OPCML: variants seen among roughly 807,000 people sequenced by gnomAD.
OPCML encodes the protein opioid-binding protein/cell adhesion molecule.
Under a neutral mutation model 37.8 loss-of-function variants are expected in OPCML, and 13 were observed. The ratio of observed to expected loss-of-function variants is 0.34; its 90% CI spans 0.22 to 0.55. OPCML has a LOEUF of 0.55. Among genes scored for constraint, OPCML ranks in the 20% least tolerant of loss-of-function variants. The pLI is 0.91. For missense variants in OPCML, 341 were observed against 435.6 expected (o/e 0.78, Z 1.93); for synonymous variants, 176 against 168.8 (o/e 1.04, Z -0.33).
intron 1 of OPCML, among the ~76,000 whole-genome samples, chr11:133,033,760 T>C (rs927064127): frequency 2.0e-5 from 3 of 152,206 alleles, no homozygotes; most frequent in Non-Finnish European, 4.4e-5. Flanking sequence ...ATGCAGCTAG[T>C]GGTTATAGAT....
intron 1 of OPCML, among the ~76,000 whole-genome samples, chr11:133,483,238 A>C: frequency 6.6e-6 from 1 of 152,112 alleles, no homozygotes; most frequent in South Asian, 2.1e-4. Context: ...AATTTAGGAA[A>C]TACTGAAGAA....
chr11:132,590,764 C>T (rs957051404), intron 3 of OPCML, among the ~76,000 whole-genome samples: 2 of 152,114 alleles, frequency 1.3e-5, no homozygotes, highest in Admixed American at 6.5e-5. Context: ...TGACCAGGGT[C>T]CCATTGTGGG....
At chr11:132,556,627 C>T (rs941238990) in intron 3 of OPCML, among the ~76,000 whole-genome samples, 14 of 152,190 alleles carry the variant, frequency 9.2e-5, no homozygotes, top group African/African-American at 3.4e-4. Flanking sequence ...CCAATTCATG[C>T]AAACAGACTT....
chr11:133,073,806 G>A (rs1254901215), intron 1 of OPCML, among the ~76,000 whole-genome samples: 3 of 152,112 alleles, frequency 2.0e-5, no homozygotes, highest in African/African-American at 2.4e-5. Flanking sequence ...CCAGATACAC[G>A]GCTATGTACT....
At chr11:132,779,375 GT>G (rs1430633705) in intron 2 of OPCML, among the ~76,000 whole-genome samples, 1 of 152,098 alleles carries the variant, frequency 6.6e-6, no homozygotes, top group Admixed American at 6.5e-5. Flanking sequence ...AATGGCATTG[GT>G]TTTTCCCTTA....
At chr11:132,934,474 T>C (rs1183940543) in intron 2 of OPCML, among the ~76,000 whole-genome samples, 1 of 152,146 alleles carries the variant, frequency 6.6e-6, no homozygotes, top group Non-Finnish European at 1.5e-5. Flanking sequence ...GGACATCAGG[T>C]TATGTGTGGT....
intron 2 of OPCML, among the ~76,000 whole-genome samples, chr11:132,680,287 C>T (rs1942883823): frequency 6.6e-6 from 1 of 152,194 alleles, no homozygotes; most frequent in Non-Finnish European, 1.5e-5. Flanking sequence ...AACTCACATC[C>T]CCTCAGGTAA....
intron 1 of OPCML, among the ~76,000 whole-genome samples, chr11:133,285,804 T>G (rs1942278950): frequency 6.6e-6 from 1 of 152,210 alleles, no homozygotes; most frequent in Non-Finnish European, 1.5e-5. Context: ...GGAAGCATAT[T>G]GGTATGCTGA....
intron 1 of OPCML, among the ~76,000 whole-genome samples, chr11:132,961,178 C>T (rs1176386808): frequency 6.6e-6 from 1 of 152,182 alleles, no homozygotes; most frequent in Non-Finnish European, 1.5e-5. Context: ...GAGATATAGA[C>T]ACTGACACAG....
chr11:133,108,522 C>A (rs1949198272), intron 1 of OPCML, among the ~76,000 whole-genome samples: 1 of 152,096 alleles, frequency 6.6e-6, no homozygotes, highest in African/African-American at 2.4e-5. Context: ...TGCGCTAGAG[C>A]TTTCCAGCGG....
chr11:132,745,152 C>T (rs543895639), intron 2 of OPCML, among the ~76,000 whole-genome samples: 7 of 152,282 alleles, frequency 4.6e-5, no homozygotes, highest in Admixed American at 1.3e-4. Context: ...TGTCCTCCTA[C>T]TTCCAGGGAG....
At chr11:132,774,094 T>C (rs770149429) in intron 2 of OPCML, among the ~76,000 whole-genome samples, 1 of 152,216 alleles carries the variant, frequency 6.6e-6, no homozygotes, top group Non-Finnish European at 1.5e-5. Context: ...TGTCATGCTG[T>C]CAAATTTTAC....
chr11:132,743,909 A>G (rs1945522930), intron 2 of OPCML, among the ~76,000 whole-genome samples: 1 of 152,204 alleles, frequency 6.6e-6, no homozygotes, highest in Non-Finnish European at 1.5e-5. Flanking sequence ...CTAGCAGACA[A>G]GACAGCATTA....
At chr11:133,478,217 G>T (rs537484039) in intron 1 of OPCML, among the ~76,000 whole-genome samples, 2 of 152,268 alleles carry the variant, frequency 1.3e-5, no homozygotes, top group Admixed American at 6.5e-5. Flanking sequence ...AGGATGAAAG[G>T]ATCAGCCTCT....
chr11:132,975,352 C>T (rs932248730), intron 1 of OPCML, among the ~76,000 whole-genome samples: 6 of 151,196 alleles, frequency 4.0e-5, no homozygotes, highest in African/African-American at 1.5e-4. Context: ...TCAAATGAAC[C>T]ATGCAAAGTT....
At chr11:132,508,799 C>A (rs2096262836) in intron 4 of OPCML, among the ~76,000 whole-genome samples, 1 of 152,266 alleles carries the variant, frequency 6.6e-6, no homozygotes, top group South Asian at 2.1e-4. Flanking sequence ...TCCAATTAAA[C>A]CTCTTTTTCT....
At chr11:132,789,805 A>G (rs1034616897) in intron 2 of OPCML, among the ~76,000 whole-genome samples, 2 of 152,200 alleles carry the variant, frequency 1.3e-5, no homozygotes, top group Non-Finnish European at 1.5e-5. Flanking sequence ...AGCCAACATC[A>G]GCAATGCCCC....
intron 2 of OPCML, among the ~76,000 whole-genome samples, chr11:132,752,791 T>C (rs1216404212): frequency 1.3e-5 from 2 of 152,032 alleles, no homozygotes; most frequent in East Asian, 1.9e-4. Context: ...GATTGAAGGA[T>C]AGATAGATGA....
intron 2 of OPCML, among the ~76,000 whole-genome samples, chr11:132,659,107 G>A (rs1411382772): frequency 1.3e-5 from 2 of 152,132 alleles, no homozygotes; most frequent in African/African-American, 4.8e-5. Flanking sequence ...TTATAGAAAT[G>A]TCATTGGTAT....
Sources: gnomAD v4.1 joint callset for allele counts (sites outside exome capture counted in the v4.1 genomes callset) on GRCh38, gnomAD v4.1.1 for gene constraint, MANE v1.5 for transcripts, NCBI Gene and HGNC (gene_info 2026-07-23, HGNC 2026-07-21) for gene names.